Variants in TBC1D5 observed in about 807,000 individuals in gnomAD.
TBC1D5 encodes the protein TBC1 domain family member 5.
Under a neutral mutation model 100.3 loss-of-function variants are expected in TBC1D5, and 75 were observed. That is an observed-to-expected ratio of 0.75 (90% CI 0.62 to 0.91). The LOEUF is 0.91. Among genes scored for constraint, TBC1D5 ranks in the 40% least tolerant of loss-of-function variants. TBC1D5 has a pLI of 0.00. For missense variants in TBC1D5, 910 were observed against 942.4 expected (o/e 0.97, Z 0.45); for synonymous variants, 323 against 325.6 (o/e 0.99, Z 0.09).
intron 13 of TBC1D5, among the ~76,000 whole-genome samples, chr3:17,366,188 G>C (rs1418261055): frequency 6.6e-6 from 1 of 152,038 alleles, no homozygotes; most frequent in African/African-American, 2.4e-5. Flanking sequence ...CTACTTGGAA[G>C]GCTAAGGTGG....
intron 13 of TBC1D5, among the ~76,000 whole-genome samples, chr3:17,327,822 T>G (rs759959475): frequency 3.3e-5 from 5 of 152,064 alleles, no homozygotes; most frequent in Admixed American, 3.3e-4. Flanking sequence ...CTGTATGTGG[T>G]TTTTTTTCCC....
chr3:17,406,656 G>A (rs973952796), intron 4 of TBC1D5, 130 bp from the exon 5 acceptor site: 19 of 711,866 alleles, frequency 2.7e-5, no homozygotes, highest in Non-Finnish European at 4.1e-5. Context: ...ATTTAGTTGT[G>A]TACTGTTTCT....
chr3:17,252,211 A>T (rs1481401397), intron 16 of TBC1D5, among the ~76,000 whole-genome samples: 1 of 152,186 alleles, frequency 6.6e-6, no homozygotes, highest in Admixed American at 6.5e-5. Context: ...CCACAGCTAT[A>T]GGTCTTTTAA....
intron 13 of TBC1D5, among the ~76,000 whole-genome samples, chr3:17,342,797 G>A (rs896535133): frequency 4.6e-5 from 7 of 151,970 alleles, no homozygotes; most frequent in African/African-American, 4.8e-5. Flanking sequence ...ACCATAACAC[G>A]CATATTATAA....
At chr3:17,362,763 C>T (rs1039243978) in intron 13 of TBC1D5, among the ~76,000 whole-genome samples, 28 of 152,118 alleles carry the variant, frequency 1.8e-4, no homozygotes, top group African/African-American at 9.7e-5. Context: ...TGAGCCACTG[C>T]GCAAGGCTCT....
intron 14 of TBC1D5, among the ~76,000 whole-genome samples, chr3:17,297,311 T>G (rs1201724496): frequency 6.6e-6 from 1 of 152,236 alleles, no homozygotes. Flanking sequence ...GCGTGGTGGC[T>G]CACGCCTGTA....
chr3:17,581,933 G>A lies in TBC1D5; in HGVS notation c.-36+41916C>T, dbSNP rs560514670. 5.9e-5 allele frequency among the ~76,000 whole-genome samples: 9 copies of A among 152,202 alleles called. No individual in the cohort carries two copies. The East Asian group carries it at 1.2e-3, about 20-fold the overall frequency. ...TAAATATTCCTGCCTCAGGACCTTC[G>A]TACTTCGTGATCCTTCACCTCACTC... On this transcript the variant is annotated intron_variant, in intron 2 of 21. Transcript: ENST00000253692.
rs1284666700 is a variant in TBC1D5 at position 17,451,815 on chromosome 3, A to C, written c.98-23296T>G. ...GTGGGCGCCTGTAATCCCTGCTCGGAGGGCTGAGGCAGGAGAATCGCTGGA... is the reference window on the plus strand; with the variant it reads ...GTGGGCGCCTGTAATCCCTGCTCGGCGGGCTGAGGCAGGAGAATCGCTGGA... On this transcript the variant is annotated intron_variant, in intron 3 of 21. Transcript: ENST00000253692. Among the ~76,000 whole-genome samples the C allele has an allele frequency of 2.6e-5, 4 of 152,044 alleles. 1 individual carries two copies. Among genetic ancestry groups the C allele is most frequent in the Admixed American group, 2.6e-4 (4 of 15,252 alleles).
chr3:17,484,489 T>TGTGTG (rs2095536751), intron 3 of TBC1D5, among the ~76,000 whole-genome samples: 1 of 133,292 alleles, frequency 7.5e-6, no homozygotes, highest in Non-Finnish European at 1.7e-5. Flanking sequence ...TGTGTGTGTG[T>TGTGTG]TTGGGTAACA....
intron 19 of TBC1D5, among the ~76,000 whole-genome samples, chr3:17,177,684 G>T (rs186889749): frequency 6.6e-6 from 1 of 152,286 alleles, no homozygotes; most frequent in East Asian, 1.9e-4. Context: ...AGAAGTTCAG[G>T]TCCCACCATC....
At chr3:17,646,085 G>C (rs2064987639) in intron 1 of TBC1D5, among the ~76,000 whole-genome samples, 1 of 151,926 alleles carries the variant, frequency 6.6e-6, no homozygotes, top group Non-Finnish European at 1.5e-5. Flanking sequence ...GATGAGGATG[G>C]GCCCAAACCC....
At position 17,532,244 on chromosome 3, in the gene TBC1D5, A is replaced by G. The variant is rs1433689229; in HGVS notation, c.-35-23639T>C. ...AAACACACATGAAAAAATGCTCATC[A>G]TCACTGGCCATCAGAGAAATGCAAA... On this transcript the variant is annotated intron_variant, in intron 2 of 21. Transcript: ENST00000253692. Among the ~76,000 whole-genome samples, 4 of 152,360 alleles carry G rather than the reference A, an allele frequency of 2.6e-5. No individual in the cohort carries two copies. The East Asian group carries it at 7.7e-4, about 29-fold the overall frequency.
chr3:17,518,620 G>T lies in TBC1D5; in HGVS notation c.-35-10015C>A, dbSNP rs994835131. Among the ~76,000 whole-genome samples, 5 of 152,340 alleles carry T rather than the reference G, an allele frequency of 3.3e-5. No homozygotes were observed. In the East Asian group the frequency reaches 7.7e-4, roughly 24 times the overall value. On this transcript the variant is annotated intron_variant, in intron 2 of 21. Coordinates refer to ENST00000253692, the Ensembl canonical transcript of TBC1D5. ...TCTTGCAACCTCATTTTTCCTGGAT[G>T]CTGGACAAGAGCTCGGGAGCCACAA...
chr3:17,478,806 C>A (rs891322459), intron 3 of TBC1D5, among the ~76,000 whole-genome samples: 15 of 152,048 alleles, frequency 9.9e-5, no homozygotes, highest in African/African-American at 3.6e-4. Flanking sequence ...TGATGGCTAC[C>A]CTGCTGGAGG....
At chr3:17,640,756 C>T (rs2064420765) in intron 1 of TBC1D5, among the ~76,000 whole-genome samples, 1 of 151,848 alleles carries the variant, frequency 6.6e-6, no homozygotes, top group East Asian at 1.9e-4. Flanking sequence ...GCCCTTTTGT[C>T]AAGCAGAAAA....
intron 2 of TBC1D5, among the ~76,000 whole-genome samples, chr3:17,592,865 C>T (rs1350123598): frequency 6.6e-6 from 1 of 152,162 alleles, no homozygotes. Flanking sequence ...TGAGAGACAG[C>T]TTTTGGCCTG....
chr3:17,540,267 C>A (rs1157133338), intron 2 of TBC1D5, among the ~76,000 whole-genome samples: 1 of 152,184 alleles, frequency 6.6e-6, no homozygotes, highest in Non-Finnish European at 1.5e-5. Flanking sequence ...CAAATACTTT[C>A]TCCATTCTGT....
intron 2 of TBC1D5, among the ~76,000 whole-genome samples, chr3:17,600,336 A>T (rs1406560017): frequency 6.6e-6 from 1 of 152,232 alleles, no homozygotes; most frequent in Non-Finnish European, 1.5e-5. Context: ...AAACTAGTAA[A>T]ATATATACAT....
intron 13 of TBC1D5, among the ~76,000 whole-genome samples, chr3:17,334,923 C>T (rs138486532): frequency 3.1e-4 from 47 of 152,166 alleles, no homozygotes; most frequent in African/African-American, 1.0e-3. Flanking sequence ...GGAAAATCTA[C>T]AGATAAGGCA....
Sources: gnomAD v4.1 joint callset for allele counts (sites outside exome capture counted in the v4.1 genomes callset) on GRCh38, gnomAD v4.1.1 for gene constraint, MANE v1.5 for transcripts, NCBI Gene and HGNC (gene_info 2026-07-23, HGNC 2026-07-21) for gene names.